The following ADARB2 variants were observed in gnomAD, a reference collection of about 807,000 sequenced individuals.
ADARB2 encodes inactive double-stranded RNA-specific editase B2.
ADARB2 carries 25 observed loss-of-function variants against 62.2 expected under a neutral mutation model. The observed-to-expected ratio is 0.40, with a 90% CI of 0.29 to 0.56. The LOEUF (loss-of-function observed/expected upper bound fraction) is 0.56. Among genes scored for constraint, ADARB2 ranks in the 20% least tolerant of loss-of-function variants. The pLI, the probability that ADARB2 is intolerant of heterozygous loss-of-function variation, is 0.43. For synonymous variants in ADARB2, 572 were observed against 500.8 expected, an observed-to-expected ratio of 1.14 and a Z score of -1.90; for missense variants, 1,071 against 1,077.4, an observed-to-expected ratio of 0.99 and a Z score of 0.08.
At chr10:1,451,960 G>T (rs1394403571) in intron 1 of ADARB2, among the ~76,000 whole-genome samples, 1 of 152,196 alleles carries the variant, frequency 6.6e-6, no homozygotes, top group East Asian at 1.9e-4. Flanking sequence ...TTTTAGAGAG[G>T]TCACAGGACA....
At chr10:1,569,510 G>T (rs1307713907) in intron 1 of ADARB2, among the ~76,000 whole-genome samples, 2 of 152,202 alleles carry the variant, frequency 1.3e-5, no homozygotes, top group Non-Finnish European at 2.9e-5. Context: ...GGTCAGCAAA[G>T]GTTGCCTCTG....
At chr10:1,697,471 C>T (rs192360526) in intron 1 of ADARB2, among the ~76,000 whole-genome samples, 15 of 152,154 alleles carry the variant, frequency 9.9e-5, no homozygotes, top group South Asian at 2.1e-4. Flanking sequence ...ATGCACAAGA[C>T]GGTGAGAAGA....
At chr10:1,623,413 T>C (rs1238515537) in intron 1 of ADARB2, among the ~76,000 whole-genome samples, 1 of 152,244 alleles carries the variant, frequency 6.6e-6, no homozygotes, top group African/African-American at 2.4e-5. Flanking sequence ...TTCTACTGTA[T>C]AGCTAGAATG....
At chr10:1,525,155 A>C (rs1832124825) in intron 1 of ADARB2, among the ~76,000 whole-genome samples, 1 of 152,204 alleles carries the variant, frequency 6.6e-6, no homozygotes, top group Admixed American at 6.5e-5. Flanking sequence ...GCTGTAAAAA[A>C]AGGTCAGGTA....
At chr10:1,444,524 A>G (rs1265126658) in intron 1 of ADARB2, among the ~76,000 whole-genome samples, 1 of 143,210 alleles carries the variant, frequency 7.0e-6, no homozygotes, top group South Asian at 2.3e-4. Context: ...CCACTCATCC[A>G]TCCACTCACA....
intron 1 of ADARB2, among the ~76,000 whole-genome samples, chr10:1,524,102 AT>A (rs770368085): frequency 1.3e-5 from 2 of 149,670 alleles, no homozygotes; most frequent in Non-Finnish European, 3.0e-5. Flanking sequence ...AGATAGATAG[AT>A]TAGAGAGAGA....
chr10:1,465,114 G>T (rs576312458), intron 1 of ADARB2, among the ~76,000 whole-genome samples: 7 of 152,334 alleles, frequency 4.6e-5, no homozygotes, highest in Non-Finnish European at 7.3e-5. Flanking sequence ...GTCCTGCTCG[G>T]TGACAGGCAC....
rs557488694 is a variant in ADARB2, at chr10:1,272,244, G to A, written c.1078-1175C>T. ...GCTTCCCCATTACCACCAGGCATGT[G>A]TTGATGTTGATACTGTGCAGCATTG... On this transcript the variant is annotated intron_variant, in intron 3 of 9. Transcript: ENST00000381312. Among the ~76,000 whole-genome samples, 7 of 152,304 alleles carry A rather than the reference G, an allele frequency of 4.6e-5. No individual in the cohort carries two copies. In the South Asian group the frequency reaches 1.5e-3, roughly 32 times the overall value.
At chr10:1,696,668 T>C (rs12245785) in intron 1 of ADARB2, among the ~76,000 whole-genome samples, 5,773 of 152,256 alleles carry the variant, frequency 0.038, 205 homozygotes, top group East Asian at 0.16. Context: ...CGCTGAGAGA[T>C]GAATGCTTCT....
At chr10:1,468,811 T>C (rs1368914133) in intron 1 of ADARB2, among the ~76,000 whole-genome samples, 1 of 152,230 alleles carries the variant, frequency 6.6e-6, no homozygotes, top group Admixed American at 6.5e-5. Context: ...GTGGAGGTGA[T>C]GGTGAGTGGC....
chr10:1,663,655 T>C (rs1834278640), intron 1 of ADARB2, among the ~76,000 whole-genome samples: 1 of 151,990 alleles, frequency 6.6e-6, no homozygotes, highest in African/African-American at 2.4e-5. Flanking sequence ...AGTCTCGCTC[T>C]GTCACCCAGG....
rs969622034 is a variant in ADARB2 at position 1,724,496 on chromosome 10, A to G, written c.100+12555T>C. On this transcript the variant is annotated intron_variant, in intron 1 of 9. Transcript: ENST00000381312. Reference sequence around the variant, plus strand: ...CATCTCCATCAGAGCCAGTCCCCCAAACCCCAGCAGCCTCGGAGGCTCCTT... The same window carrying G: ...CATCTCCATCAGAGCCAGTCCCCCAGACCCCAGCAGCCTCGGAGGCTCCTT... Among the ~76,000 whole-genome samples the G allele has an allele frequency of 2.6e-5, 4 of 152,108 alleles. 1 individual carries two copies. Among genetic ancestry groups the G allele is most frequent in the Admixed American group, 2.6e-4 (4 of 15,276 alleles).
At chr10:1,627,935 T>A (rs1428826317) in intron 1 of ADARB2, among the ~76,000 whole-genome samples, 1 of 152,176 alleles carries the variant, frequency 6.6e-6, no homozygotes, top group Non-Finnish European at 1.5e-5. Context: ...CCCCCCAGCA[T>A]CACCCCTCCT....
intron 7 of ADARB2, among the ~76,000 whole-genome samples, chr10:1,212,088 T>C (rs989751024): frequency 6.6e-6 from 1 of 152,162 alleles, no homozygotes; most frequent in African/African-American, 2.4e-5. Context: ...TCCACCTCCA[T>C]GTCCTCAGAC....
intron 1 of ADARB2, among the ~76,000 whole-genome samples, chr10:1,681,464 C>T (rs1412678752): frequency 2.0e-5 from 3 of 150,910 alleles, no homozygotes; most frequent in Non-Finnish European, 4.4e-5. Flanking sequence ...AAGAGGCAAA[C>T]TAATATAGCT....
At chr10:1,232,439 C>T (rs1213303557) in intron 6 of ADARB2, among the ~76,000 whole-genome samples, 4 of 143,586 alleles carry the variant, frequency 2.8e-5, no homozygotes, top group African/African-American at 1.0e-4. Flanking sequence ...TGTGTGTTTG[C>T]AGTGTATGTG....
At chr10:1,215,462 G>T (rs1025981708) in intron 7 of ADARB2, among the ~76,000 whole-genome samples, 1 of 152,198 alleles carries the variant, frequency 6.6e-6, no homozygotes, top group Non-Finnish European at 1.5e-5. Context: ...TCAGGCCTTC[G>T]GCTTCCTGGC....
intron 1 of ADARB2, among the ~76,000 whole-genome samples, chr10:1,412,086 T>A (rs986520924): frequency 2.0e-5 from 3 of 152,140 alleles, no homozygotes; most frequent in Non-Finnish European, 4.4e-5. Context: ...ATTCTCAGAC[T>A]TCAGGGCATG....
At chr10:1,445,033 C>T (rs1325980053) in intron 1 of ADARB2, among the ~76,000 whole-genome samples, 1 of 150,828 alleles carries the variant, frequency 6.6e-6, no homozygotes, top group Non-Finnish European at 1.5e-5. Flanking sequence ...CCCATCCATT[C>T]ACTCATTCAC....
Sources: allele counts gnomAD v4.1 joint callset (sites outside exome capture counted in the v4.1 genomes callset), GRCh38; gene constraint gnomAD v4.1.1; transcripts MANE v1.5; gene names NCBI Gene and HGNC (gene_info 2026-07-23, HGNC 2026-07-21).